Variants in SHISAL1 observed in about 807,000 individuals in gnomAD.
SHISAL1 encodes the protein protein shisa-like-1.
A neutral mutation model predicts 22.6 loss-of-function variants in SHISAL1; 9 were observed. That is an observed-to-expected ratio of 0.40 (90% CI 0.24 to 0.70). The LOEUF (loss-of-function observed/expected upper bound fraction) is 0.70, where lower values mean the gene tolerates loss of function less well. Ranked by LOEUF, SHISAL1 falls within the 30% of genes least tolerant of loss-of-function variation. The pLI is 0.39. For missense variants in SHISAL1, 246 were observed against 270.6 expected (o/e 0.91, Z 0.64); for synonymous variants, 119 against 115.4 (o/e 1.03, Z -0.20).
intron 4 of SHISAL1, among the ~76,000 whole-genome samples, chr22:44,253,683 C>A (rs547955191): frequency 6.6e-6 from 1 of 150,926 alleles, no homozygotes; most frequent in Non-Finnish European, 1.5e-5. Flanking sequence ...CACATGTGAT[C>A]TGCCCACCTC....
At chr22:44,281,640 G>A (rs2055277573) in intron 4 of SHISAL1, among the ~76,000 whole-genome samples, 1 of 152,154 alleles carries the variant, frequency 6.6e-6, no homozygotes. Flanking sequence ...TCCCTGGGGT[G>A]CCTGCTGGGT....
At chr22:44,266,829 C>G (rs1404465139) in intron 4 of SHISAL1, among the ~76,000 whole-genome samples, 1 of 152,100 alleles carries the variant, frequency 6.6e-6, no homozygotes, top group Non-Finnish European at 1.5e-5. Context: ...CAGGAAAAAC[C>G]AAAATGAAGA....
rs142453479 is a variant in SHISAL1 at position 44,264,750 on chromosome 22, G to A, written c.*-15065C>T. Among the ~76,000 whole-genome samples the A allele has an allele frequency of 4.1e-3, 605 of 147,624 alleles. 6 individuals carry two copies. Among genetic ancestry groups the A allele is most frequent in the East Asian group, 0.023 (112 of 4,924 alleles). On this transcript the variant is annotated intron_variant, in intron 4 of 4. Coordinates refer to ENST00000381176, the MANE Select transcript of SHISAL1 (RefSeq NM_001099294.2). ...CAAGAGCCCCAGCAATTCACAAGCCGTGTGATCTTGGACGAGGTCCCCAAC... is the reference window on the plus strand; with the variant it reads ...CAAGAGCCCCAGCAATTCACAAGCCATGTGATCTTGGACGAGGTCCCCAAC...
Position 44,249,002 on chromosome 22 carries a change from G to T in SHISAL1, c.*683C>A, listed in dbSNP as rs1162658507. ...TTAGTATTACTATTGTTACAGGAACGAATTCTGTAAGAAACAACCCTGACT... is the reference window on the plus strand; with the variant it reads ...TTAGTATTACTATTGTTACAGGAACTAATTCTGTAAGAAACAACCCTGACT... On this transcript the variant is annotated 3_prime_UTR_variant, in exon 5 of 5. Transcript: ENST00000381176. 6.6e-6 allele frequency: 1 copy of T among 152,064 alleles called. No homozygotes were observed. Among genetic ancestry groups the T allele is most frequent in the East Asian group, 1.9e-4 (1 of 5,188 alleles). The allele number at this position is 152,064 out of a possible 1,614,324, so 9.4% of individuals were successfully genotyped here.
the SHISAL1 span, among the ~76,000 whole-genome samples, chr22:44,327,363 C>A: frequency 6.4e-3 from 977 of 152,050 alleles, 6 homozygotes; most frequent in African/African-American, 0.022. Flanking sequence ...AACGAGAAAA[C>A]CTGGGCTTGT....
chr22:44,253,583 C>A (rs548024576), intron 4 of SHISAL1, among the ~76,000 whole-genome samples: 1 of 150,496 alleles, frequency 6.6e-6, no homozygotes, highest in East Asian at 2.0e-4. Context: ...TGCTCAACCA[C>A]CATGTCTGGC....
At chr22:44,306,119 C>A (rs1481793971) in intron 1 of SHISAL1, among the ~76,000 whole-genome samples, 1 of 152,218 alleles carries the variant, frequency 6.6e-6, no homozygotes, top group African/African-American at 2.4e-5. Context: ...GGGGACCAGC[C>A]AGCTGCTGTG....
rs900414311 is a variant in SHISAL1, at chr22:44,245,717, C to T, written c.*3968G>A. On this transcript the variant is annotated 3_prime_UTR_variant, in exon 5 of 5. Transcript: ENST00000381176. ...ACACCCACAGCCCTGGTCTGTTTGC[C>T]ATGACCTGAAGAGAGCTTTTGGGTT... 1 of 152,270 alleles carries T rather than the reference C, an allele frequency of 6.6e-6. No homozygotes were observed. The highest frequency in any genetic ancestry group is 6.5e-5 in the Admixed American group (1 of 15,290). 9.4% of individuals were successfully genotyped at this position (152,270 alleles called of 1,614,324 possible). A position where few individuals can be genotyped will look rare whatever the true frequency, so the allele number is the denominator to read the frequency against.
rs2147264826 is a variant in SHISAL1 at position 44,249,059 on chromosome 22, C to A, written c.*626G>T. 6.6e-6 allele frequency: 1 copy of A among 152,218 alleles called. No individual in the cohort carries two copies. Among genetic ancestry groups the A allele is most frequent in the African/African-American group, 2.4e-5 (1 of 41,530 alleles). The allele number at this position is 152,218 out of a possible 1,614,324, so 9.4% of individuals were successfully genotyped here. On this transcript the variant is annotated 3_prime_UTR_variant, in exon 5 of 5. Coordinates refer to ENST00000381176, the MANE Select transcript of SHISAL1 (RefSeq NM_001099294.2). ...TTCAAATCCCCAGTGCTCCCCGAGA[C>A]ACAGAGGGGCCGTACCCTGTGCTTA...
intron 4 of SHISAL1, among the ~76,000 whole-genome samples, chr22:44,267,658 A>G (rs1257597275): frequency 6.6e-6 from 1 of 151,822 alleles, no homozygotes; most frequent in Non-Finnish European, 1.5e-5. Context: ...ACCTACCTGC[A>G]TCTCCCACCT....
At chr22:44,299,121 G>A (rs1248543553) in intron 2 of SHISAL1, among the ~76,000 whole-genome samples, 1 of 152,200 alleles carries the variant, frequency 6.6e-6, no homozygotes, top group African/African-American at 2.4e-5. Context: ...GTGTGCACTA[G>A]GGGCCCTACG....
rs2055389853 is a variant in SHISAL1, at chr22:44,296,795, T to A, written c.158A>T (p.Asn53Ile). The change falls in exon 3 of 5, where the codon AAC becomes ATC. Residue 53 changes from asparagine to isoleucine, a missense_variant. This residue lies in a region of SHISAL1 where 110 missense variants were observed against 153.1 expected (regional missense o/e 0.72). Transcript: ENST00000381176. ...FGFHCPRLSD[N>I]KTFILCCHHN... ...GTGACAACAGAGGATGAAGGTCTTG[T>A]TGTCCGAGAGCCGGGGGCAGTGGAA... The A allele has an allele frequency of 2.5e-6, 4 of 1,614,048 alleles. No individual in the cohort carries two copies. The highest frequency in any genetic ancestry group is 3.4e-6 in the Non-Finnish European group (4 of 1,180,040).
At position 44,269,630 on chromosome 22, in the gene SHISAL1, A is replaced by ACACATGCC. The variant is rs373652400; in HGVS notation, c.599+15790_599+15797dup. ...CCACACAGACCCACACAATATACAC[A>ACACATGCC]CACATGCCACAAACAACACACACAC... On this transcript the variant is annotated intron_variant, in intron 4 of 4. Transcript: ENST00000381176. Among the ~76,000 whole-genome samples the ACACATGCC allele has an allele frequency of 5.4e-3, 811 of 149,412 alleles. 9 individuals are homozygous for ACACATGCC. Among genetic ancestry groups the ACACATGCC allele is most frequent in the African/African-American group, 0.02 (778 of 39,324 alleles).
chr22:44,277,741 G>A (rs1012570756), intron 4 of SHISAL1, among the ~76,000 whole-genome samples: 1 of 152,232 alleles, frequency 6.6e-6, no homozygotes. Flanking sequence ...GCCTGAGGTG[G>A]AAGTGGATCA....
chr22:44,250,815 C>A (rs904023719), intron 4 of SHISAL1, among the ~76,000 whole-genome samples: 1 of 152,160 alleles, frequency 6.6e-6, no homozygotes, highest in African/African-American at 2.4e-5. Context: ...CTTTTACTTG[C>A]GTAAATTGCA....
chr22:44,301,160 C>A (rs1305019234), intron 1 of SHISAL1, among the ~76,000 whole-genome samples, 183 bp from the exon 2 acceptor site: 2 of 152,230 alleles, frequency 1.3e-5, no homozygotes, highest in African/African-American at 4.8e-5. Flanking sequence ...GAATGACCTT[C>A]CCCCACAAGC....
At chr22:44,309,742 A>G (rs2055505007) in intron 1 of SHISAL1, among the ~76,000 whole-genome samples, 1 of 152,194 alleles carries the variant, frequency 6.6e-6, no homozygotes, top group Non-Finnish European at 1.5e-5. Flanking sequence ...AACCTCCACA[A>G]GTTTCCCAGT....
intron 4 of SHISAL1, among the ~76,000 whole-genome samples, chr22:44,263,802 G>C (rs1291804412): frequency 6.6e-6 from 1 of 152,254 alleles, no homozygotes; most frequent in Non-Finnish European, 1.5e-5. Context: ...GCCCCGTGCT[G>C]CTGATGCCTT....
chr22:44,261,264 C>T (rs1261195681), intron 4 of SHISAL1, among the ~76,000 whole-genome samples: 1 of 151,862 alleles, frequency 6.6e-6, no homozygotes, highest in African/African-American at 2.4e-5. Context: ...GTGGTCTCCA[C>T]TCCAAAGTAC....
Sources: gnomAD v4.1 joint callset for allele counts (sites outside exome capture counted in the v4.1 genomes callset) on GRCh38, gnomAD v4.1.1 for gene constraint, gnomAD v4.1.1 regional missense constraint, MANE v1.5 for transcripts, NCBI Gene and HGNC (gene_info 2026-07-23, HGNC 2026-07-21) for gene names.